Variants in GPA33 observed in about 807,000 individuals in gnomAD.
GPA33 encodes the protein cell surface A33 antigen.
A neutral mutation model predicts 35.6 loss-of-function variants in GPA33; 27 were observed. The observed-to-expected ratio is 0.76, with a 90% CI of 0.56 to 1.04. The LOEUF is 1.04. Among genes scored for constraint, GPA33 ranks in the 50% least tolerant of loss-of-function variants. The pLI is 0.00. For synonymous variants in GPA33, 176 were observed against 164.0 expected (o/e 1.07, Z -0.56); for missense variants, 428 against 411.9 (o/e 1.04, Z -0.34).
rs1402571580 is a variant in GPA33 at position 167,055,764 on chromosome 1, C to A, written c.657G>T (p.Thr219=). The part of the protein sequence containing the change: ...YICTSSNEEG[T]QFCNITVAVR... The stretch of plus-strand genomic sequence containing the variant: ...CGGCCACCGTGATGTTGCAGAACTG[C>A]GTCCCCTCCTCATTGCTGGAGGTAC... Residue 219 remains threonine (T), a synonymous_variant, in exon 5 of 7, where the codon ACG becomes ACT. Transcript: ENST00000367868. 1 of 1,613,968 alleles carries A rather than the reference C, an allele frequency of 6.2e-7. No individual in the cohort carries two copies. Among genetic ancestry groups the A allele is most frequent in the Non-Finnish European group, 8.5e-7 (1 of 1,179,902 alleles).
chr1:167,055,911 A>G (rs1164192763), intron 4 of GPA33, 62 bp from the exon 5 acceptor site: 2 of 1,583,854 alleles, frequency 1.3e-6, no homozygotes, highest in African/African-American at 1.3e-5. Context: ...ACAGCCAGGA[A>G]TGGGAGGTCT....
chr1:167,067,986 A>G (rs544523198), intron 3 of GPA33, among the ~76,000 whole-genome samples: 1 of 152,314 alleles, frequency 6.6e-6, no homozygotes, highest in African/African-American at 2.4e-5. Flanking sequence ...TCTTTATACA[A>G]TGCGAGTTTG....
At chr1:167,072,939 C>G (rs1666749501) in intron 2 of GPA33, among the ~76,000 whole-genome samples, 1 of 151,500 alleles carries the variant, frequency 6.6e-6, no homozygotes, top group South Asian at 2.1e-4. Context: ...GGGAATGAGC[C>G]TTCTCAATGC....
intron 4 of GPA33, among the ~76,000 whole-genome samples, chr1:167,060,732 G>T (rs568226833): frequency 6.6e-6 from 1 of 152,296 alleles, no homozygotes; most frequent in South Asian, 2.1e-4. Flanking sequence ...GCCCCTTTGT[G>T]AGGCTCCTCA....
Position 167,055,838 on chromosome 1 carries a change from G to A in GPA33, c.583C>T (p.Pro195Ser), listed in dbSNP as rs868828171. The change falls in exon 5 of 7, where the codon CCT (proline) becomes TCT (serine). Residue 195 changes from proline (P) to serine (S), a missense_variant. Coordinates refer to ENST00000367868, the MANE Select transcript of GPA33 (RefSeq NM_005814.3). The part of the protein sequence containing the change: ...QPLAQPASGQ[P>S]VSLKNISTDT... Reference sequence around the variant, plus strand: ...GTGGAGATATTCTTCAGGGAGACAGGCTGACCTGAGGCTGCAGGGGAAGAA... The same window carrying A: ...GTGGAGATATTCTTCAGGGAGACAGACTGACCTGAGGCTGCAGGGGAAGAA... The A allele has an allele frequency of 1.9e-6, 3 of 1,613,906 alleles. No homozygotes were observed. The African/African-American group carries it at 4.0e-5, about 22-fold the overall frequency.
intron 3 of GPA33, among the ~76,000 whole-genome samples, chr1:167,068,359 C>T (rs1666643926): frequency 6.6e-6 from 1 of 152,188 alleles, no homozygotes; most frequent in African/African-American, 2.4e-5. Flanking sequence ...CTTTCAGATC[C>T]TTCCCAAACT....
rs370450217 is a variant in GPA33 at position 167,069,073 on chromosome 1, G to A, written c.264C>T (p.Arg88=). 1.3e-5 allele frequency: 21 copies of A among 1,613,760 alleles called. No homozygotes were observed. The highest frequency in any genetic ancestry group is 2.7e-5 in the African/African-American group (2 of 74,910). The part of the protein sequence containing the change: ...NYIHGELYKN[R]VSISNNAEQS... Reference sequence around the variant, plus strand: ...GCTCAGCATTGTTGGATATGCTGACGCGATTCTTATAAAGCTCACCATGGA... The same window carrying A: ...GCTCAGCATTGTTGGATATGCTGACACGATTCTTATAAAGCTCACCATGGA... Residue 88 remains arginine, a synonymous_variant, in exon 3 of 7, where the codon CGC becomes CGT. Transcript: ENST00000367868.
At chr1:167,090,150 C>T (rs1399234085) in intron 1 of GPA33, 95 bp downstream of exon 1, 14 of 950,442 alleles carry the variant, frequency 1.5e-5, no homozygotes, top group African/African-American at 4.9e-5. Flanking sequence ...GCTGGAGGCC[C>T]TTCCTGGGAA....
chr1:167,068,298 C>T (rs1224023016), intron 3 of GPA33, among the ~76,000 whole-genome samples: 8 of 152,160 alleles, frequency 5.3e-5, no homozygotes, highest in African/African-American at 1.7e-4. Flanking sequence ...GAGTCAGTTC[C>T]TTCCTTTCTC....
intron 1 of GPA33, among the ~76,000 whole-genome samples, 173 bp from the exon 2 acceptor site, chr1:167,073,712 C>G (rs143273356): frequency 6.6e-6 from 1 of 152,200 alleles, no homozygotes; most frequent in African/African-American, 2.4e-5. Flanking sequence ...TCCAAGACTG[C>G]GATGAGGACA....
chr1:167,069,233 G>C, intron 2 of GPA33, 95 bp from the exon 3 acceptor site: 1 of 770,536 alleles, frequency 1.3e-6, no homozygotes, highest in Non-Finnish European at 2.2e-6. Context: ...CAGTTTCCAG[G>C]GCCCAGAAGC....
chr1:167,065,956 A>G (rs1666583584), intron 3 of GPA33, among the ~76,000 whole-genome samples: 1 of 152,116 alleles, frequency 6.6e-6, no homozygotes, highest in Non-Finnish European at 1.5e-5. Flanking sequence ...TCCCCGGGGA[A>G]CAAGAGAAGG....
At chr1:167,056,561 TATGTGGTGTGTGTG>T in intron 4 of GPA33, among the ~76,000 whole-genome samples, 1 of 66,710 alleles carries the variant, frequency 1.5e-5, no homozygotes, top group Non-Finnish European at 3.4e-5. Context: ...GTGTGTATGG[TATGTGGTGTGTGTG>T]GCATATGTGT....
At chr1:167,059,609 C>A (rs1262620623) in intron 4 of GPA33, among the ~76,000 whole-genome samples, 1 of 151,944 alleles carries the variant, frequency 6.6e-6, no homozygotes, top group African/African-American at 2.4e-5. Context: ...GTGCTCCAGG[C>A]CCCAGAACTA....
intron 1 of GPA33, among the ~76,000 whole-genome samples, chr1:167,083,232 C>T (rs994247446): frequency 8.5e-5 from 13 of 152,228 alleles, no homozygotes; most frequent in Admixed American, 6.5e-5. Context: ...AGTAATCCAT[C>T]TCCCTAACTA....
intron 1 of GPA33, among the ~76,000 whole-genome samples, chr1:167,084,034 A>C (rs1667005503): frequency 6.6e-6 from 1 of 152,162 alleles, no homozygotes; most frequent in East Asian, 1.9e-4. Context: ...CAAGCAACTC[A>C]AATCACACCA....
At chr1:167,085,906 C>T (rs753960525) in intron 1 of GPA33, among the ~76,000 whole-genome samples, 4 of 152,212 alleles carry the variant, frequency 2.6e-5, no homozygotes, top group Non-Finnish European at 5.9e-5. Context: ...GAGAGAAACC[C>T]AGATCCTTCC....
In GPA33 at chr1:167,073,453, T is replaced by G. The variant is rs1395010008; in HGVS notation, c.130A>C (p.Thr44Pro). The change falls in exon 2 of 7, where the codon ACC becomes CCC. Residue 44 changes from threonine to proline, a missense_variant. By Grantham distance (38) the Thr-to-Pro change is conservative. Coordinates refer to ENST00000367868, the MANE Select transcript of GPA33 (RefSeq NM_005814.3). ...SQGKSVTLPC[T>P]YHTSTSSREG... ...CGACTGGAGGTGGAAGTGTGGTAGG[T>G]GCAGGGCAGGGTGACACTCTTTCCC... 1 of 1,612,884 alleles carries G rather than the reference T, an allele frequency of 6.2e-7. No homozygotes were observed. The highest frequency in any genetic ancestry group is 8.5e-7 in the Non-Finnish European group (1 of 1,179,148).
At chr1:167,088,153 A>G (rs1465670207) in intron 1 of GPA33, among the ~76,000 whole-genome samples, 1 of 152,068 alleles carries the variant, frequency 6.6e-6, no homozygotes, top group Non-Finnish European at 1.5e-5. Flanking sequence ...GAAAGAAGAG[A>G]AAAGCCCAGT....
Sources: gnomAD v4.1 joint callset for allele counts (sites outside exome capture counted in the v4.1 genomes callset) on GRCh38, gnomAD v4.1.1 for gene constraint, MANE v1.5 for transcripts, NCBI Gene and HGNC (gene_info 2026-07-23, HGNC 2026-07-21) for gene names.